TMEM132D: variants seen among roughly 807,000 people sequenced by gnomAD.
TMEM132D encodes transmembrane protein 132D, also known as mature OL transmembrane protein.
In TMEM132D, 21 loss-of-function variants were observed where a neutral mutation model predicts 62.3. The ratio of observed to expected loss-of-function variants is 0.34; its 90% CI spans 0.24 to 0.49. TMEM132D has a LOEUF of 0.49. Ranked by LOEUF, TMEM132D falls within the 20% of genes least tolerant of loss-of-function variation. The pLI, the probability that TMEM132D is intolerant of heterozygous loss-of-function variation, is 0.99. For missense variants in TMEM132D, 1,346 were observed against 1,402.8 expected (o/e 0.96, Z 0.65); for synonymous variants, 621 against 575.6 (o/e 1.08, Z -1.13).
rs761892015 is a variant in TMEM132D, at chr12:129,524,920, CTTTTT to C, written c.1115+6134_1115+6138del. On this transcript the variant is annotated intron_variant, in intron 3 of 8. Transcript: ENST00000422113. ...CATTTTATTATTTTCATATTTTTTTCTTTTTTCTTTTTTTTTTTTTTTTTGAGACG... is the reference window on the plus strand; with the variant it reads ...CATTTTATTATTTTCATATTTTTTTCTCTTTTTTTTTTTTTTTTTGAGACG... Among the ~76,000 whole-genome samples, 40 of 92,178 alleles carry C rather than the reference CTTTTT, an allele frequency of 4.3e-4. 1 individual carries two copies. Among genetic ancestry groups the C allele is most frequent in the Admixed American group, 1.0e-3 (6 of 5,818 alleles). 60.5% of individuals were successfully genotyped at this position (92,178 alleles called of 152,430 possible). A position where few individuals can be genotyped will look rare whatever the true frequency, so the allele number is the denominator to read the frequency against.
chr12:129,515,927 ATC>A (rs1429555093), intron 3 of TMEM132D, among the ~76,000 whole-genome samples: 12 of 152,162 alleles, frequency 7.9e-5, no homozygotes, highest in African/African-American at 2.4e-4. Context: ...TCTCTTGTTA[ATC>A]TGTCTTTTTT....
intron 3 of TMEM132D, among the ~76,000 whole-genome samples, chr12:129,528,431 C>CA (rs200147997): frequency 0.054 from 7,115 of 132,990 alleles, 217 homozygotes; most frequent in Non-Finnish European, 0.083. Flanking sequence ...ATGCACACAG[C>CA]AAAAAAAAAA....
chr12:129,293,070 A>G (rs1306962509), intron 4 of TMEM132D, among the ~76,000 whole-genome samples: 2 of 152,206 alleles, frequency 1.3e-5, no homozygotes, highest in Non-Finnish European at 2.9e-5. Context: ...GAGGGTATCC[A>G]GAGAGAGAAA....
At chr12:129,289,741 C>G (rs529532342) in intron 4 of TMEM132D, among the ~76,000 whole-genome samples, 1 of 152,154 alleles carries the variant, frequency 6.6e-6, no homozygotes, top group African/African-American at 2.4e-5. Context: ...AGTCAGGGGT[C>G]TAGCACCTTC....
At chr12:129,652,634 G>C (rs1174455739) in intron 2 of TMEM132D, among the ~76,000 whole-genome samples, 1 of 152,206 alleles carries the variant, frequency 6.6e-6, no homozygotes, top group Non-Finnish European at 1.5e-5. Context: ...GCAGCCTCTA[G>C]TTGCTGGAGT....
chr12:129,594,980 A>T (rs1448499901), intron 2 of TMEM132D, among the ~76,000 whole-genome samples: 1 of 152,246 alleles, frequency 6.6e-6, no homozygotes. Flanking sequence ...CTGAAAGCAA[A>T]GTATGAACCT....
chr12:129,203,286 C>A (rs1878758740), intron 5 of TMEM132D, among the ~76,000 whole-genome samples: 1 of 152,256 alleles, frequency 6.6e-6, no homozygotes, highest in Non-Finnish European at 1.5e-5. Flanking sequence ...TCCAGAGTCA[C>A]TCTGAACCTG....
At position 129,676,407 on chromosome 12, in the gene TMEM132D, C is replaced by T. The variant is rs569618279; in HGVS notation, c.968+23403G>A. On this transcript the variant is annotated intron_variant, in intron 2 of 8. Transcript: ENST00000422113. ...CATCTGTCTGTGTTAGTCTGTTTTG[C>T]GTTGCTATAAAGGAATACCTGACAC... 1.3e-4 allele frequency among the ~76,000 whole-genome samples: 20 copies of T among 152,120 alleles called. No individual in the cohort carries two copies. The East Asian group carries it at 2.5e-3, about 19-fold the overall frequency.
At chr12:129,539,139 T>G (rs1480363403) in intron 2 of TMEM132D, among the ~76,000 whole-genome samples, 1 of 152,108 alleles carries the variant, frequency 6.6e-6, no homozygotes, top group Non-Finnish European at 1.5e-5. Context: ...AAGGAATGAT[T>G]CATGTCCCAG....
chr12:129,323,428 T>A (rs949147818), intron 4 of TMEM132D, among the ~76,000 whole-genome samples: 2 of 140,794 alleles, frequency 1.4e-5, no homozygotes, highest in Non-Finnish European at 3.1e-5. Flanking sequence ...AGAAAAAAAA[T>A]ATCTAGCATT....
intron 1 of TMEM132D, among the ~76,000 whole-genome samples, chr12:129,807,392 C>T (rs1220624932): frequency 6.6e-6 from 1 of 152,152 alleles, no homozygotes; most frequent in Non-Finnish European, 1.5e-5. Flanking sequence ...ACCAAAGAGG[C>T]CACAATGCTC....
chr12:129,088,373 C>T (rs867578770), intron 5 of TMEM132D, among the ~76,000 whole-genome samples: 1 of 48,108 alleles, frequency 2.1e-5, no homozygotes, highest in Non-Finnish European at 3.5e-5. Context: ...GGGTGTCCTC[C>T]ATGACCGGGG....
intron 2 of TMEM132D, among the ~76,000 whole-genome samples, chr12:129,616,188 A>G (rs1878912777): frequency 6.6e-6 from 1 of 152,234 alleles, no homozygotes; most frequent in African/African-American, 2.4e-5. Flanking sequence ...GAAAACCTGC[A>G]TGCTGAGACT....
intron 2 of TMEM132D, among the ~76,000 whole-genome samples, chr12:129,579,479 A>C (rs888118234): frequency 2.0e-5 from 3 of 152,220 alleles, no homozygotes; most frequent in African/African-American, 7.2e-5. Flanking sequence ...TGAGTCCCAA[A>C]GCCTCAAAAG....
intron 2 of TMEM132D, among the ~76,000 whole-genome samples, chr12:129,644,166 C>T (rs1879709429): frequency 6.6e-6 from 1 of 152,120 alleles, no homozygotes; most frequent in Non-Finnish European, 1.5e-5. Context: ...TGTCTCATGT[C>T]TCCTTAAAAT....
intron 3 of TMEM132D, among the ~76,000 whole-genome samples, chr12:129,478,190 A>C (rs1354425541): frequency 1.3e-5 from 2 of 152,212 alleles, no homozygotes; most frequent in Admixed American, 6.5e-5. Context: ...ACCATGAATA[A>C]ATCTTGCAGG....
chr12:129,510,440 C>T (rs1192299405), intron 3 of TMEM132D, among the ~76,000 whole-genome samples: 1 of 152,026 alleles, frequency 6.6e-6, no homozygotes, highest in East Asian at 1.9e-4. Context: ...TGATTGTATC[C>T]TTTGCTGTGC....
At chr12:129,223,910 T>C (rs2135574889) in intron 4 of TMEM132D, among the ~76,000 whole-genome samples, 1 of 152,370 alleles carries the variant, frequency 6.6e-6, no homozygotes, top group South Asian at 2.1e-4. Context: ...TTTCTCAGAC[T>C]TGACACTATT....
chr12:129,680,872 G>A (rs1488226366), intron 2 of TMEM132D, among the ~76,000 whole-genome samples: 1 of 152,182 alleles, frequency 6.6e-6, no homozygotes, highest in East Asian at 1.9e-4. Flanking sequence ...GAAAATTGGA[G>A]GCATGGCAAG....
Sources: gnomAD v4.1 joint callset for allele counts (sites outside exome capture counted in the v4.1 genomes callset) on GRCh38, gnomAD v4.1.1 for gene constraint, MANE v1.5 for transcripts, NCBI Gene and HGNC (gene_info 2026-07-23, HGNC 2026-07-21) for gene names.